ZDHHC2: variants seen among roughly 807,000 people sequenced by gnomAD.
ZDHHC2 encodes palmitoyltransferase ZDHHC2.
ZDHHC2 carries 51 observed loss-of-function variants against 55.6 expected under a neutral mutation model. The observed-to-expected ratio is 0.92, with a 90% confidence interval of 0.73 to 1.16. The LOEUF is 1.16. ZDHHC2 is among the 50% of genes most tolerant of loss of function. The probability of loss-of-function intolerance (pLI) is 0.00; values close to 1 mark genes in which losing one functional copy is unlikely to be tolerated. For missense variants in ZDHHC2, 491 were observed against 442.4 expected (o/e 1.11, Z -0.99); for synonymous variants, 199 against 152.9 (o/e 1.30, Z -2.22).
rs181024743 is a variant in ZDHHC2, at chr8:17,201,541, A to T, written c.476+3128A>T. Among the ~76,000 whole-genome samples, 8 of 119,100 alleles carry T rather than the reference A, an allele frequency of 6.7e-5. No individual in the cohort carries two copies. In the Admixed American group the frequency reaches 9.6e-4, roughly 14 times the overall value. 78.1% of individuals were successfully genotyped at this position (119,100 alleles called of 152,430 possible). A position where few individuals can be genotyped will look rare whatever the true frequency, so the allele number is the denominator to read the frequency against. On this transcript the variant is annotated intron_variant, in intron 6 of 12. Transcript: ENST00000262096. Reference sequence around the variant, plus strand: ...GGAGTCTAGCTCTGTAACCTGGGCTAGAGTGTGGTGGTGCGATCTTGGCTC... The same window carrying T: ...GGAGTCTAGCTCTGTAACCTGGGCTTGAGTGTGGTGGTGCGATCTTGGCTC...
At chr8:17,166,955 A>T (rs1009806058) in intron 1 of ZDHHC2, among the ~76,000 whole-genome samples, 3 of 152,344 alleles carry the variant, frequency 2.0e-5, no homozygotes, top group Admixed American at 6.5e-5. Context: ...AATTAATTCA[A>T]TCCAAGTTAA....
chr8:17,182,910 G>A (rs1805510511), intron 1 of ZDHHC2, among the ~76,000 whole-genome samples: 1 of 152,106 alleles, frequency 6.6e-6, no homozygotes. Context: ...ACAGGCGCGT[G>A]TCACCACACC....
In ZDHHC2 at chr8:17,208,109, T is replaced by G. The variant is rs1288383667; in HGVS notation, c.730+17T>G. 2.6e-6 allele frequency: 4 copies of G among 1,537,842 alleles called. No individual in the cohort carries two copies. Among genetic ancestry groups the G allele is most frequent in the Non-Finnish European group, 3.5e-6 (4 of 1,138,902 alleles). ...CTACATTAGGTGAGTATCCAATTAT[T>G]GTAGTTGACAGAACTTTAAATACGT... On this transcript the variant is annotated intron_variant, in intron 8 of 12. Coordinates refer to ENST00000262096, the MANE Select transcript of ZDHHC2 (RefSeq NM_016353.5).
intron 3 of ZDHHC2, among the ~76,000 whole-genome samples, chr8:17,194,572 A>C (rs1296589494): frequency 6.6e-6 from 1 of 151,976 alleles, no homozygotes; most frequent in Non-Finnish European, 1.5e-5. Context: ...ATGTGCATGT[A>C]TCTCTCAACA....
At chr8:17,184,871 T>C in intron 2 of ZDHHC2, 56 bp downstream of exon 2, 2 of 1,427,602 alleles carry the variant, frequency 1.4e-6, no homozygotes, top group Non-Finnish European at 1.9e-6. Flanking sequence ...AAAAAAATTG[T>C]ATTCACTTAG....
chr8:17,164,480 A>G (rs1047784966), intron 1 of ZDHHC2, among the ~76,000 whole-genome samples: 3 of 152,204 alleles, frequency 2.0e-5, no homozygotes, highest in African/African-American at 7.2e-5. Flanking sequence ...TGTGAAGTAT[A>G]CAATTAAGCA....
At position 17,221,160 on chromosome 8, in the gene ZDHHC2, T is replaced by A. The variant is rs1345812497; in HGVS notation, c.*939T>A. On this transcript the variant is annotated 3_prime_UTR_variant, in exon 13 of 13. Transcript: ENST00000262096. ...TGATATCTATATTATTTCTTTCTCG[T>A]CTCATCAAAATGATGACAGGTAAAC... is the stretch of plus-strand genomic sequence containing the variant. 6.6e-6 allele frequency: 1 copy of A among 152,564 alleles called. No homozygotes were observed. The highest frequency in any genetic ancestry group is 1.5e-5 in the Non-Finnish European group (1 of 67,976). The allele number at this position is 152,564 out of a possible 1,614,324, so 9.5% of individuals were successfully genotyped here. A position where few individuals can be genotyped will look rare whatever the true frequency, so the allele number is the denominator to read the frequency against.
chr8:17,166,740 G>A (rs1400440871), intron 1 of ZDHHC2, among the ~76,000 whole-genome samples: 1 of 152,072 alleles, frequency 6.6e-6, no homozygotes, highest in African/African-American at 2.4e-5. Context: ...CCTGAAACCT[G>A]GGGAGGAAAG....
chr8:17,210,559 G>GA (rs1807329052), intron 10 of ZDHHC2, 79 bp downstream of exon 10: 67 of 1,182,536 alleles, frequency 5.7e-5, no homozygotes, highest in South Asian at 3.2e-4. Context: ...ATGTTCCTTT[G>GA]AAAAAAAATG....
intron 2 of ZDHHC2, among the ~76,000 whole-genome samples, chr8:17,185,540 C>T (rs977093966): frequency 2.6e-5 from 4 of 151,782 alleles, no homozygotes; most frequent in African/African-American, 9.7e-5. Context: ...TGAGGTGGGG[C>T]ATGCCTGTAA....
rs750203279 is a variant in ZDHHC2 at position 17,205,634 on chromosome 8, A to G, written c.477-21A>G. On this transcript the variant is annotated intron_variant, in intron 6 of 12. Transcript: ENST00000262096. ...GTTGAAGATGTAAAACTCACTGGAA[A>G]TGTTTTTGTTTTGTTAACAGGGTGA... 6.3e-6 allele frequency: 10 copies of G among 1,581,544 alleles called. No homozygotes were observed. In the South Asian group the frequency reaches 9.5e-5, roughly 15 times the overall value.
At chr8:17,161,516 T>C (rs770971626) in intron 1 of ZDHHC2, among the ~76,000 whole-genome samples, 2 of 152,234 alleles carry the variant, frequency 1.3e-5, no homozygotes, top group Non-Finnish European at 2.9e-5. Flanking sequence ...GGCACATCCA[T>C]AGAAAACTGA....
In ZDHHC2 at chr8:17,210,499, T is replaced by C. The variant is rs772292323; in HGVS notation, c.950+19T>C. 1 of 1,579,378 alleles carries C rather than the reference T, an allele frequency of 6.3e-7. No individual in the cohort carries two copies. The highest frequency in any genetic ancestry group is 1.2e-5 in the South Asian group (1 of 85,988). ...CTAAAAAGTAATCTCATATTTTTTT[T>C]CATTTTACTTTCAAATAAGATATTT... On this transcript the variant is annotated intron_variant, in intron 10 of 12. Coordinates refer to ENST00000262096, the MANE Select transcript of ZDHHC2 (RefSeq NM_016353.5).
chr8:17,216,395 C>T, intron 11 of ZDHHC2, among the ~76,000 whole-genome samples: 1 of 152,076 alleles, frequency 6.6e-6, no homozygotes, highest in East Asian at 1.9e-4. Flanking sequence ...ATATATTTGC[C>T]TCCCAGAGGG....
At chr8:17,197,743 T>G in intron 5 of ZDHHC2, 92 bp downstream of exon 5, 1 of 1,333,596 alleles carries the variant, frequency 7.5e-7, no homozygotes, top group South Asian at 1.3e-5. Context: ...GATTATCTTC[T>G]CCATATTCTC....
At chr8:17,208,171 T>A in intron 8 of ZDHHC2, 79 bp downstream of exon 8, 3 of 1,383,864 alleles carry the variant, frequency 2.2e-6, no homozygotes, top group Non-Finnish European at 2.9e-6. Context: ...TGTGATTAAA[T>A]GCCAACTTGC....
chr8:17,174,583 A>G (rs1355302559), intron 1 of ZDHHC2, among the ~76,000 whole-genome samples: 1 of 152,214 alleles, frequency 6.6e-6, no homozygotes, highest in Non-Finnish European at 1.5e-5. Flanking sequence ...TGGCTGATCT[A>G]GAGGCCAAAG....
chr8:17,165,621 A>G (rs1804562959), intron 1 of ZDHHC2, among the ~76,000 whole-genome samples: 1 of 152,226 alleles, frequency 6.6e-6, no homozygotes, highest in Non-Finnish European at 1.5e-5. Context: ...CGTTCAAAAA[A>G]TATCTATTGA....
At chr8:17,156,936 C>G (rs1319448951) in intron 1 of ZDHHC2, 83 bp downstream of exon 1, 2 of 1,309,062 alleles carry the variant, frequency 1.5e-6, no homozygotes, top group Non-Finnish European at 2.0e-6. Context: ...CTCCTCCGCT[C>G]TCGCCCCCCG....
Sources: allele counts gnomAD v4.1 joint callset (sites outside exome capture counted in the v4.1 genomes callset), GRCh38; gene constraint gnomAD v4.1.1; transcripts MANE v1.5; gene names NCBI Gene and HGNC (gene_info 2026-07-23, HGNC 2026-07-21).